Variants in ERICH1 observed in about 807,000 individuals in gnomAD.
ERICH1 encodes glutamate-rich protein 1.
Under a neutral mutation model 39.6 loss-of-function variants are expected in ERICH1, and 56 were observed. The observed-to-expected ratio is 1.41, with a 90% confidence interval of 1.14 to 1.77. The LOEUF (loss-of-function observed/expected upper bound fraction) is 1.77. Among genes scored for constraint, ERICH1 ranks in the 40% most tolerant of loss-of-function variants. The pLI, the probability that ERICH1 is intolerant of heterozygous loss-of-function variation, is 0.00. For missense variants in ERICH1, 826 were observed against 575.4 expected, an observed-to-expected ratio of 1.44 and a Z score of -4.45; for synonymous variants, 313 against 223.6, an observed-to-expected ratio of 1.40 and a Z score of -3.57.
rs566622041 is a variant in ERICH1 at position 673,840 on chromosome 8, A to G, written c.512T>C (p.Ile171Thr). 3.4e-5 allele frequency: 55 copies of G among 1,613,722 alleles called. No individual in the cohort carries two copies. In the South Asian group the frequency reaches 5.2e-4, roughly 15 times the overall value. ...KKRKLKKKQQ[I>T]KRKKAAGLAA... ...CAAGCCGGCTGCTTTCTTCCTTTTAATTTGCTGTTTCTTTTTCAGTTTCCT... is the reference window on the plus strand; with the variant it reads ...CAAGCCGGCTGCTTTCTTCCTTTTAGTTTGCTGTTTCTTTTTCAGTTTCCT... The change falls in exon 4 of 6, where the codon ATT becomes ACT. Residue 171 changes from isoleucine (I) to threonine (T), a missense_variant. Physicochemically the swap from Ile to Thr is moderately conservative, Grantham distance 89. Transcript: ENST00000262109.
At chr8:698,126 G>A (rs951807933) in intron 2 of ERICH1, among the ~76,000 whole-genome samples, 1 of 152,176 alleles carries the variant, frequency 6.6e-6, no homozygotes, top group South Asian at 2.1e-4. Context: ...GTGGATCTGA[G>A]TCAATTTAAC....
In ERICH1 at chr8:668,827, T is replaced by C. The variant is rs371144455; in HGVS notation, c.1064-35A>G. 3.0e-5 allele frequency: 47 copies of C among 1,543,818 alleles called. No individual in the cohort carries two copies. In the African/African-American group the frequency reaches 5.0e-4, roughly 16 times the overall value. ...GTCAGTTTTGCTTGGAAATACAGTT[T>C]TGTTTTTATTTCTATAAACTAAAGA... On this transcript the variant is annotated intron_variant, in intron 4 of 5. Coordinates refer to ENST00000262109, the MANE Select transcript of ERICH1 (RefSeq NM_207332.3).
intron 3 of ERICH1, chr8:641,143 G>C (rs567161489): frequency 6.6e-6 from 1 of 152,288 alleles, no homozygotes; most frequent in South Asian, 2.1e-4. Flanking sequence ...AGGACTTGGC[G>C]TTTAATCTAT....
chr8:673,160 C>A, intron 4 of ERICH1, 129 bp downstream of exon 4: 2 of 1,124,542 alleles, frequency 1.8e-6, no homozygotes. Flanking sequence ...ATATTAGTTG[C>A]CTTACAACTA....
At chr8:697,971 T>G (rs1308039382) in intron 2 of ERICH1, among the ~76,000 whole-genome samples, 1 of 152,030 alleles carries the variant, frequency 6.6e-6, no homozygotes, top group Non-Finnish European at 1.5e-5. Flanking sequence ...AATCCCTGCG[T>G]CTGGGGCTGG....
chr8:654,781 C>G (rs1585061071), intron 3 of ERICH1, among the ~76,000 whole-genome samples: 2 of 152,248 alleles, frequency 1.3e-5, no homozygotes, highest in East Asian at 3.9e-4. Flanking sequence ...CTGGGAGGGG[C>G]AGGCAGTGGT....
intron 2 of ERICH1, among the ~76,000 whole-genome samples, chr8:695,190 A>G (rs1016708555): frequency 4.3e-4 from 66 of 152,094 alleles, no homozygotes; most frequent in Admixed American, 1.2e-3. Context: ...AGGGGCTCAC[A>G]GCCAGCCCCT....
chr8:689,000 C>A (rs1056121860), intron 3 of ERICH1, among the ~76,000 whole-genome samples: 1 of 152,230 alleles, frequency 6.6e-6, no homozygotes, highest in Admixed American at 6.5e-5. Context: ...CAACACTCTC[C>A]AGGTCTTTTG....
chr8:625,021 C>T (rs373119567), intron 3 of ERICH1, among the ~76,000 whole-genome samples: 14 of 152,200 alleles, frequency 9.2e-5, no homozygotes, highest in African/African-American at 2.2e-4. Flanking sequence ...CCACTGCACC[C>T]GGCCTACACA....
chr8:687,508 G>C (rs1585308429), intron 3 of ERICH1, among the ~76,000 whole-genome samples: 1 of 152,284 alleles, frequency 6.6e-6, no homozygotes, highest in Non-Finnish European at 1.5e-5. Flanking sequence ...CATGGGCAGA[G>C]AAGGGGCCCG....
intron 3 of ERICH1, chr8:615,385 A>T: frequency 1.8e-6 from 1 of 568,978 alleles, no homozygotes; most frequent in Non-Finnish European, 3.1e-6. Context: ...AGAGATAACT[A>T]AGATTAGTCT....
At chr8:695,826 C>G (rs1463731732) in intron 2 of ERICH1, among the ~76,000 whole-genome samples, 1 of 145,166 alleles carries the variant, frequency 6.9e-6, no homozygotes, top group East Asian at 2.1e-4. Flanking sequence ...CCCTCCCTTC[C>G]TCTCCTCCCT....
chr8:679,405 A>C, intron 3 of ERICH1, among the ~76,000 whole-genome samples: 2 of 73,962 alleles, frequency 2.7e-5, no homozygotes, highest in Non-Finnish European at 5.3e-5. Context: ...CCCACCCATC[A>C]CAGCACCCAG....
At chr8:627,750 T>A (rs1486059719) in intron 3 of ERICH1, among the ~76,000 whole-genome samples, 1 of 152,188 alleles carries the variant, frequency 6.6e-6, no homozygotes, top group South Asian at 2.1e-4. Flanking sequence ...GCAGGGGAGT[T>A]GCTGGCCCCT....
At chr8:673,261 T>C (rs760782171) in intron 4 of ERICH1, 28 bp downstream of exon 4, 1 of 1,570,860 alleles carries the variant, frequency 6.4e-7, no homozygotes, top group Non-Finnish European at 8.7e-7. Context: ...GATGTCACTA[T>C]GCAAGAGAAA....
chr8:619,274 G>A (rs1187402753), intron 3 of ERICH1, among the ~76,000 whole-genome samples: 1 of 152,142 alleles, frequency 6.6e-6, no homozygotes, highest in African/African-American at 2.4e-5. Context: ...GCACAAGGAG[G>A]CCCCGGTGAG....
chr8:635,613 C>G (rs930361237), intron 3 of ERICH1, among the ~76,000 whole-genome samples: 5 of 152,232 alleles, frequency 3.3e-5, no homozygotes, highest in Non-Finnish European at 5.9e-5. Flanking sequence ...CCAGAGGACC[C>G]TGCGGGATGT....
chr8:649,696 A>T (rs1355298458), intron 3 of ERICH1, among the ~76,000 whole-genome samples: 1 of 152,168 alleles, frequency 6.6e-6, no homozygotes, highest in Non-Finnish European at 1.5e-5. Context: ...AGGAGGCAGG[A>T]GCTGGAAGAC....
chr8:692,967 TCATCA>T (rs1313029005), intron 2 of ERICH1, among the ~76,000 whole-genome samples: 5 of 152,198 alleles, frequency 3.3e-5, no homozygotes, highest in African/African-American at 1.2e-4. Context: ...ACACCCTTTA[TCATCA>T]CACGAGGAGT....
Sources: gnomAD v4.1 joint callset for allele counts (sites outside exome capture counted in the v4.1 genomes callset) on GRCh38, gnomAD v4.1.1 for gene constraint, MANE v1.5 for transcripts, NCBI Gene and HGNC (gene_info 2026-07-23, HGNC 2026-07-21) for gene names.